MIR2052HG: variants seen among roughly 807,000 people sequenced by gnomAD.
The protein encoded by MIR2052HG is MIR2052 host gene.
intron 4 of MIR2052HG, among the ~76,000 whole-genome samples, chr8:74,741,240 T>C (rs898351919): frequency 1.3e-5 from 2 of 152,198 alleles, no homozygotes; most frequent in Non-Finnish European, 2.9e-5. Context: ...GCCAACTCAG[T>C]TTCATCAGTG....
intron 4 of MIR2052HG, among the ~76,000 whole-genome samples, chr8:74,736,451 T>G (rs1809745575): frequency 6.6e-6 from 1 of 152,032 alleles, no homozygotes. Flanking sequence ...GGGAAAAAAT[T>G]TGTGCAAAGC....
At chr8:74,655,259 T>G (rs1808792662) in intron 2 of MIR2052HG, among the ~76,000 whole-genome samples, 1 of 152,188 alleles carries the variant, frequency 6.6e-6, no homozygotes, top group South Asian at 2.1e-4. Context: ...AAAATCAAGC[T>G]GGCTGCAGCA....
At chr8:74,630,782 A>G (rs1808500695) in intron 2 of MIR2052HG, among the ~76,000 whole-genome samples, 2 of 152,160 alleles carry the variant, frequency 1.3e-5, no homozygotes, top group South Asian at 4.1e-4. Flanking sequence ...AAGAGTGGAA[A>G]GTGTTAAGGA....
intron 2 of MIR2052HG, among the ~76,000 whole-genome samples, chr8:74,630,060 A>G (rs1808487200): frequency 6.6e-6 from 1 of 152,236 alleles, no homozygotes; most frequent in Admixed American, 6.5e-5. Flanking sequence ...AGGCATGTTC[A>G]AAAGCTAGGA....
chr8:74,706,129 GCGT>G (rs1809407920), intron 4 of MIR2052HG, among the ~76,000 whole-genome samples: 1 of 152,176 alleles, frequency 6.6e-6, no homozygotes, highest in African/African-American at 2.4e-5. Context: ...TTATTGTCTG[GCGT>G]CAGAGCCAGG....
chr8:74,629,945 C>G (rs1808485341), intron 2 of MIR2052HG, among the ~76,000 whole-genome samples: 1 of 152,158 alleles, frequency 6.6e-6, no homozygotes, highest in South Asian at 2.1e-4. Flanking sequence ...TGCATCCAGC[C>G]AGGCTTTCTC....
intron 4 of MIR2052HG, among the ~76,000 whole-genome samples, chr8:74,735,870 ATCTC>A (rs1222553849): frequency 6.6e-6 from 1 of 152,222 alleles, no homozygotes; most frequent in African/African-American, 2.4e-5. Context: ...GGTTTATAAC[ATCTC>A]TCTTAGTGCA....
intron 2 of MIR2052HG, among the ~76,000 whole-genome samples, chr8:74,621,528 C>T (rs1445498216): frequency 1.3e-5 from 2 of 152,162 alleles, no homozygotes; most frequent in Non-Finnish European, 2.9e-5. Context: ...AAGCAGGCAC[C>T]CTCTTCACAG....
intron 4 of MIR2052HG, among the ~76,000 whole-genome samples, chr8:74,732,821 C>A (rs269176): frequency 2.0e-4 from 30 of 152,216 alleles, no homozygotes; most frequent in African/African-American, 6.3e-4. Flanking sequence ...TCAAGGATAC[C>A]TAAGAAAACC....
chr8:74,624,967 G>A (rs1394092555), intron 2 of MIR2052HG, among the ~76,000 whole-genome samples: 8 of 152,148 alleles, frequency 5.3e-5, no homozygotes, highest in Admixed American at 5.2e-4. Context: ...AGTAAAGGAT[G>A]AAAACCCGTA....
intron 2 of MIR2052HG, among the ~76,000 whole-genome samples, chr8:74,655,874 G>T (rs547810223): frequency 6.6e-6 from 1 of 152,182 alleles, no homozygotes; most frequent in Non-Finnish European, 1.5e-5. Context: ...ATCAGACTAT[G>T]AAAGCAGCCA....
intron 2 of MIR2052HG, among the ~76,000 whole-genome samples, chr8:74,670,347 T>A (rs1242959964): frequency 1.3e-5 from 2 of 152,106 alleles, no homozygotes; most frequent in African/African-American, 4.8e-5. Flanking sequence ...AAAGACAGAG[T>A]ATGAAAAATT....
chr8:74,607,876 G>A (rs1325400085), intron 1 of MIR2052HG, among the ~76,000 whole-genome samples: 1 of 152,138 alleles, frequency 6.6e-6, no homozygotes, highest in African/African-American at 2.4e-5. Context: ...TCAGAAAGTG[G>A]TTGCTTTTAA....
At chr8:74,746,567 A>AGTGTGTGT (rs72103010) in intron 4 of MIR2052HG, among the ~76,000 whole-genome samples, 6,879 of 147,554 alleles carry the variant, frequency 0.047, 311 homozygotes, top group African/African-American at 0.11. Context: ...GAGGAGAAGA[A>AGTGTGTGT]GTGTGTGTGT....
At chr8:74,616,081 A>G (rs1217054174) in intron 2 of MIR2052HG, among the ~76,000 whole-genome samples, 1 of 152,090 alleles carries the variant, frequency 6.6e-6, no homozygotes, top group Non-Finnish European at 1.5e-5. Flanking sequence ...ATATGTGGGC[A>G]TGTGTCTTTA....
intron 2 of MIR2052HG, among the ~76,000 whole-genome samples, chr8:74,672,068 A>G (rs1203683048): frequency 6.6e-6 from 1 of 152,120 alleles, no homozygotes; most frequent in Non-Finnish European, 1.5e-5. Context: ...GTAAATATCA[A>G]ATTGCATTGG....
intron 1 of MIR2052HG, among the ~76,000 whole-genome samples, chr8:74,607,654 A>T (rs1808131354): frequency 6.6e-6 from 1 of 152,154 alleles, no homozygotes; most frequent in Admixed American, 6.5e-5. Context: ...TAGAACAAAA[A>T]GGAGAAATAG....
At chr8:74,720,283 A>T (rs565286540) in intron 4 of MIR2052HG, among the ~76,000 whole-genome samples, 1 of 152,284 alleles carries the variant, frequency 6.6e-6, no homozygotes, top group Non-Finnish European at 1.5e-5. Context: ...GCCCCAACAA[A>T]GTGAGTCTCT....
intron 2 of MIR2052HG, among the ~76,000 whole-genome samples, chr8:74,699,851 G>A (rs959408747): frequency 6.6e-6 from 1 of 152,042 alleles, no homozygotes; most frequent in Non-Finnish European, 1.5e-5. Flanking sequence ...GTCTTTGTTT[G>A]TATAACATTT....
Sources: allele counts gnomAD v4.1 joint callset (sites outside exome capture counted in the v4.1 genomes callset), GRCh38; gene constraint gnomAD v4.1.1; transcripts MANE v1.5; gene names NCBI Gene and HGNC (gene_info 2026-07-23, HGNC 2026-07-21).